The following ANK2 variants were observed in gnomAD, a reference collection of about 807,000 sequenced individuals.
ANK2 encodes ankyrin 2.
Under a neutral mutation model 360.5 loss-of-function variants are expected in ANK2, and 83 were observed. The observed-to-expected ratio is 0.23, with a 90% CI of 0.19 to 0.28. The LOEUF is 0.28. Ranked by LOEUF, ANK2 falls within the 10% of genes least tolerant of loss-of-function variation. ANK2 has a pLI of 1.00. For synonymous variants in ANK2, 1,740 were observed against 1,759.5 expected (o/e 0.99, Z 0.28); for missense variants, 4,201 against 4,795.7 (o/e 0.88, Z 3.66).
chr4:112,994,931 G>T (rs992843564), intron 2 of ANK2, among the ~76,000 whole-genome samples: 2 of 152,120 alleles, frequency 1.3e-5, no homozygotes, highest in African/African-American at 4.8e-5. Context: ...CAAAGGACAT[G>T]ACTTCATTCC....
At position 113,356,450 on chromosome 4, in the gene ANK2, A is replaced by G. The variant is rs1246829809; in HGVS notation, c.7832A>G (p.Tyr2611Cys). Residue 2611 changes from tyrosine to cysteine, a missense_variant, in exon 38 of 46, where the codon TAC (tyrosine) becomes TGC (cysteine). Tyr to Cys is a radical substitution (Grantham distance 194). This residue lies in a region of ANK2 where 2,642 missense variants were observed against 2,714.5 expected (regional missense o/e 0.97). Coordinates refer to ENST00000357077, the MANE Select transcript of ANK2 (RefSeq NM_001148.6). ...CAAGAAGCAAAGCAGAAAAGGGACT[A>G]CAAAAAAGAACCCAAACAAGAAGAA... Reference protein sequence around the residue: ...LEQEAKQKRDYKKEPKQEESS... With the variant: ...LEQEAKQKRDCKKEPKQEESS... 1 of 1,614,178 alleles carries G rather than the reference A, an allele frequency of 6.2e-7. No individual in the cohort carries two copies. Among genetic ancestry groups the G allele is most frequent in the African/African-American group, 1.3e-5 (1 of 75,058 alleles).
chr4:112,957,325 T>G lies in ANK2; in HGVS notation c.21+52811T>G, dbSNP rs538022736. Reference sequence around the variant, plus strand: ...AGCACATGTTTCAGAGAGCACAGGGTTAGGGGTAAGATCACAGATCAACAG... The same window carrying G: ...AGCACATGTTTCAGAGAGCACAGGGGTAGGGGTAAGATCACAGATCAACAG... On this transcript the variant is annotated intron_variant, in intron 2 of 30. Coordinates refer to the ANK2 transcript ENST00000503271. Among the ~76,000 whole-genome samples, 4 of 152,206 alleles carry G rather than the reference T, an allele frequency of 2.6e-5. No homozygotes were observed. In the South Asian group the frequency reaches 6.2e-4, roughly 24 times the overall value.
intron 43 of ANK2, among the ~76,000 whole-genome samples, chr4:113,371,661 G>T (rs2096743345): frequency 6.6e-6 from 1 of 151,920 alleles, no homozygotes; most frequent in Admixed American, 6.6e-5. Context: ...CCCTAACTTG[G>T]GCATCCAATT....
At chr4:113,365,217 G>C (rs755002466) in intron 41 of ANK2, 35 bp downstream of exon 41, 3 of 1,599,298 alleles carry the variant, frequency 1.9e-6, no homozygotes, top group Non-Finnish European at 1.7e-6. Flanking sequence ...GTGTGTGTGT[G>C]TGTGTGTGTG....
chr4:113,025,610 T>A (rs146884906), intron 2 of ANK2, among the ~76,000 whole-genome samples: 1 of 152,226 alleles, frequency 6.6e-6, no homozygotes, highest in African/African-American at 2.4e-5. Context: ...TCCTTCAAAA[T>A]GAATGCAACT....
At chr4:112,732,317 G>A in the ANK2 span, among the ~76,000 whole-genome samples, 1 of 147,564 alleles carries the variant, frequency 6.8e-6, no homozygotes, top group Non-Finnish European at 1.5e-5. Flanking sequence ...TGGCATGATC[G>A]TAGCTCACTG....
At chr4:112,706,388 C>T in the ANK2 span, among the ~76,000 whole-genome samples, 1 of 152,106 alleles carries the variant, frequency 6.6e-6, no homozygotes, top group Non-Finnish European at 1.5e-5. Context: ...TTCTCAGTCT[C>T]ACTTCACACA....
At chr4:113,130,419 A>G (rs1021297364) in intron 1 of ANK2, among the ~76,000 whole-genome samples, 62 of 152,108 alleles carry the variant, frequency 4.1e-4, no homozygotes, top group Non-Finnish European at 1.3e-4. Context: ...ATATCTGTTC[A>G]CTTTTGAAAC....
At chr4:113,229,318 C>A (rs1277571827) in intron 4 of ANK2, among the ~76,000 whole-genome samples, 1 of 152,194 alleles carries the variant, frequency 6.6e-6, no homozygotes, top group African/African-American at 2.4e-5. Context: ...ACGCTGCATT[C>A]TTGGATCACG....
At chr4:113,318,727 G>A in intron 26 of ANK2, 107 bp downstream of exon 26, 1 of 915,058 alleles carries the variant, frequency 1.1e-6, no homozygotes. Flanking sequence ...TTACAGTGGA[G>A]GTGCCCTTTG....
At chr4:113,246,936 A>G (rs2043195257) in intron 9 of ANK2, among the ~76,000 whole-genome samples, 1 of 152,202 alleles carries the variant, frequency 6.6e-6, no homozygotes, top group South Asian at 2.1e-4. Context: ...GAATTATGTA[A>G]CTTGACCTAG....
chr4:113,284,147 C>T (rs1028979580), intron 18 of ANK2, among the ~76,000 whole-genome samples: 3 of 152,118 alleles, frequency 2.0e-5, no homozygotes, highest in Admixed American at 6.6e-5. Flanking sequence ...TTTATAAGAA[C>T]GAACACGATA....
the ANK2 span, among the ~76,000 whole-genome samples, chr4:112,734,380 T>G: frequency 6.6e-6 from 1 of 152,240 alleles, no homozygotes; most frequent in South Asian, 2.1e-4. Context: ...ATTTCTGCTA[T>G]TCCCTCTTTC....
Position 113,049,911 on chromosome 4 carries a change from A to G in ANK2, c.84+99A>G, listed in dbSNP as rs187109060. On this transcript the variant is annotated intron_variant, in intron 1 of 45. Transcript: ENST00000357077. Reference sequence around the variant, plus strand: ...AAGGCTATGGAAACCGTGGAGCATTATGAGTAACTGTAGACGATAACAGTG... The same window carrying G: ...AAGGCTATGGAAACCGTGGAGCATTGTGAGTAACTGTAGACGATAACAGTG... The G allele has an allele frequency of 6.5e-4, 920 of 1,417,092 alleles. 1 individual carries two copies. Among genetic ancestry groups the G allele is most frequent in the Middle Eastern group, 1.2e-3 (7 of 5,658 alleles). 87.8% of individuals were successfully genotyped at this position (1,417,092 alleles called of 1,614,324 possible). A position where few individuals can be genotyped will look rare whatever the true frequency, so the allele number is the denominator to read the frequency against.
rs571896168 is a variant in ANK2 at position 113,345,911 on chromosome 4, G to A, written c.4260G>A (p.Thr1420=). ...RLPLFVKVRD[T]TQEPCGRLSF... ...CTTTCTTGTTCAAGGTACGCGATACGACTCAGGAACCTTGCGGACGACTAT... is the reference window on the plus strand; with the variant it reads ...CTTTCTTGTTCAAGGTACGCGATACAACTCAGGAACCTTGCGGACGACTAT... The change falls in exon 35 of 46, where the codon ACG becomes ACA. Residue 1420 remains threonine, a synonymous_variant. Transcript: ENST00000357077. The A allele has an allele frequency of 1.9e-5, 30 of 1,613,328 alleles. No homozygotes were observed. The East Asian group carries it at 3.8e-4, about 20-fold the overall frequency.
chr4:113,123,042 G>A (rs1335600884), intron 1 of ANK2, among the ~76,000 whole-genome samples: 2 of 151,630 alleles, frequency 1.3e-5, no homozygotes, highest in Admixed American at 6.6e-5. Flanking sequence ...ATGGCTTGAG[G>A]TAAGTTTTAA....
intron 14 of ANK2, among the ~76,000 whole-genome samples, chr4:113,269,329 A>C (rs540942785): frequency 1.3e-5 from 2 of 152,272 alleles, no homozygotes; most frequent in Admixed American, 1.3e-4. Flanking sequence ...GTATGAAAAA[A>C]AACTCCTGTA....
chr4:113,184,846 T>C (rs1392964881), intron 2 of ANK2, among the ~76,000 whole-genome samples: 1 of 152,130 alleles, frequency 6.6e-6, no homozygotes, highest in African/African-American at 2.4e-5. Flanking sequence ...CTCCTAATGC[T>C]GTCCCTCCCC....
the ANK2 span, among the ~76,000 whole-genome samples, chr4:112,776,233 A>AT: frequency 1.3e-5 from 2 of 152,238 alleles, no homozygotes; most frequent in Non-Finnish European, 2.9e-5. Context: ...AGAGAAAAAC[A>AT]TACAAATTTA....
Sources: gnomAD v4.1 joint callset for allele counts (sites outside exome capture counted in the v4.1 genomes callset) on GRCh38, gnomAD v4.1.1 for gene constraint, gnomAD v4.1.1 regional missense constraint, MANE v1.5 for transcripts, NCBI Gene and HGNC (gene_info 2026-07-23, HGNC 2026-07-21) for gene names.